The following UNC13C variants were observed in gnomAD, a reference collection of about 807,000 sequenced individuals.
The protein encoded by UNC13C is unc-13 homolog C.
In UNC13C, 174 loss-of-function variants were observed where a neutral mutation model predicts 245.4. That is an observed-to-expected ratio of 0.71 (90% CI 0.63 to 0.80). The LOEUF (loss-of-function observed/expected upper bound fraction) is 0.80, where lower values mean the gene tolerates loss of function less well. Ranked by LOEUF, UNC13C falls within the 30% of genes least tolerant of loss-of-function variation. The pLI, the probability that UNC13C is intolerant of heterozygous loss-of-function variation, is 0.00. For synonymous variants in UNC13C, 992 were observed against 895.1 expected (o/e 1.11, Z -1.93); for missense variants, 2,829 against 2,602.9 (o/e 1.09, Z -1.89).
chr15:54,373,059 T>A (rs957675774), intron 17 of UNC13C, among the ~76,000 whole-genome samples: 2 of 152,138 alleles, frequency 1.3e-5, no homozygotes, highest in Admixed American at 6.5e-5. Context: ...GGATAGGCTG[T>A]CAAAGGTGTC....
chr15:54,038,120 A>AT (rs1246982047), intron 2 of UNC13C, among the ~76,000 whole-genome samples: 18 of 45,194 alleles, frequency 4.0e-4, no homozygotes, highest in African/African-American at 1.9e-3. Flanking sequence ...ATATATATAT[A>AT]TATATTTTTT....
At chr15:54,375,645 C>G (rs1281828634) in intron 17 of UNC13C, among the ~76,000 whole-genome samples, 1 of 152,160 alleles carries the variant, frequency 6.6e-6, no homozygotes, top group Non-Finnish European at 1.5e-5. Flanking sequence ...GGGGCTTCAG[C>G]CTTTTCTGAG....
chr15:54,449,207 A>T (rs1245669414), intron 19 of UNC13C, among the ~76,000 whole-genome samples: 2 of 151,804 alleles, frequency 1.3e-5, no homozygotes, highest in African/African-American at 4.8e-5. Flanking sequence ...TGCCCTTAAA[A>T]TTTTTTCCTT....
At chr15:54,450,855 G>T (rs1891134178) in intron 19 of UNC13C, among the ~76,000 whole-genome samples, 1 of 152,128 alleles carries the variant, frequency 6.6e-6, no homozygotes, top group Non-Finnish European at 1.5e-5. Flanking sequence ...CCCATCTTCT[G>T]CATCGCTCAC....
rs564452731 is a variant in UNC13C at position 54,520,371 on chromosome 15, T to C, written c.5458-5178T>C. ...AAGAAGATAAATAAATTAAGAATAG[T>C]AATAAGTTGTGCTTTGATATGCTAC... is the stretch of plus-strand genomic sequence containing the variant. On this transcript the variant is annotated intron_variant, in intron 24 of 32. Transcript: ENST00000260323. 2.0e-5 allele frequency among the ~76,000 whole-genome samples: 3 copies of C among 152,212 alleles called. No homozygotes were observed. In the South Asian group the frequency reaches 6.2e-4, roughly 32 times the overall value.
At chr15:53,965,074 T>A in the UNC13C span, among the ~76,000 whole-genome samples, 1 of 152,222 alleles carries the variant, frequency 6.6e-6, no homozygotes, top group Non-Finnish European at 1.5e-5. Flanking sequence ...TTAGAAACAT[T>A]TGGTGCATTA....
intron 8 of UNC13C, among the ~76,000 whole-genome samples, chr15:54,251,053 C>G (rs913811437): frequency 2.0e-5 from 3 of 152,048 alleles, no homozygotes; most frequent in African/African-American, 7.2e-5. Flanking sequence ...CCACCGCGCC[C>G]GGCCCCTATC....
intron 30 of UNC13C, among the ~76,000 whole-genome samples, chr15:54,592,111 G>C (rs776521425): frequency 3.9e-5 from 6 of 152,130 alleles, no homozygotes; most frequent in Non-Finnish European, 8.8e-5. Flanking sequence ...GGTTTTGAAA[G>C]TTCCTTTTGG....
chr15:53,838,344 C>G, the UNC13C span, among the ~76,000 whole-genome samples: 1 of 151,982 alleles, frequency 6.6e-6, no homozygotes, highest in South Asian at 2.1e-4. Context: ...TTACTTGAAC[C>G]AGAACATTTG....
chr15:53,861,599 A>G, the UNC13C span, among the ~76,000 whole-genome samples: 71 of 152,190 alleles, frequency 4.7e-4, no homozygotes, highest in Non-Finnish European at 9.3e-4. Flanking sequence ...TGGGGCAACA[A>G]TTAAAGTATT....
chr15:54,361,732 T>C (rs1179495321), intron 17 of UNC13C, among the ~76,000 whole-genome samples: 1 of 152,216 alleles, frequency 6.6e-6, no homozygotes, highest in African/African-American at 2.4e-5. Flanking sequence ...GCACTGGAAC[T>C]AAACTGCTAC....
chr15:54,146,622 A>G (rs1201354284), intron 4 of UNC13C, among the ~76,000 whole-genome samples: 2 of 152,248 alleles, frequency 1.3e-5, no homozygotes, highest in African/African-American at 4.8e-5. Flanking sequence ...AAAAGGAGCA[A>G]GAGAAAGTAG....
chr15:54,170,487 C>T (rs1470831423), intron 4 of UNC13C, among the ~76,000 whole-genome samples: 1 of 152,228 alleles, frequency 6.6e-6, no homozygotes, highest in East Asian at 1.9e-4. Flanking sequence ...ACGTCATTAT[C>T]ATTACGTGTG....
At chr15:54,483,638 G>A (rs1893248994) in intron 19 of UNC13C, among the ~76,000 whole-genome samples, 1 of 152,130 alleles carries the variant, frequency 6.6e-6, no homozygotes, top group Admixed American at 6.5e-5. Flanking sequence ...TGGGATTACA[G>A]GTGCGTGCCA....
chr15:54,456,864 C>A, intron 19 of UNC13C, among the ~76,000 whole-genome samples: 1 of 151,920 alleles, frequency 6.6e-6, no homozygotes, highest in Non-Finnish European at 1.5e-5. Context: ...TTCGGATGCC[C>A]TTCATTACTT....
upstream of UNC13C, among the ~76,000 whole-genome samples, chr15:53,975,894 G>A (rs79089277): frequency 0.017 from 2,582 of 152,288 alleles, 40 homozygotes; most frequent in Non-Finnish European, 0.02. Context: ...TATGGATGGG[G>A]TGAGTGTATA....
intron 25 of UNC13C, among the ~76,000 whole-genome samples, chr15:54,526,683 G>A (rs919611559): frequency 1.4e-5 from 2 of 147,774 alleles, no homozygotes; most frequent in Non-Finnish European, 3.0e-5. Context: ...GGTGGAGCTT[G>A]CAGTGAGCCG....
chr15:54,417,313 T>C (rs2040543477), intron 19 of UNC13C, among the ~76,000 whole-genome samples: 1 of 152,170 alleles, frequency 6.6e-6, no homozygotes, highest in Admixed American at 6.5e-5. Flanking sequence ...TGTGACCGTC[T>C]TTTGCTGTGT....
Position 54,623,883 on chromosome 15 carries a change from C to G in UNC13C, c.6288C>G (p.Asp2096Glu). 6.2e-7 allele frequency: 1 copy of G among 1,613,104 alleles called. No individual in the cohort carries two copies. The highest frequency in any genetic ancestry group is 8.5e-7 in the Non-Finnish European group (1 of 1,179,476). Residue 2096 changes from aspartate to glutamate, a missense_variant, in exon 32 of 33, where the codon GAC becomes GAG. Physicochemically the swap from Asp to Glu is conservative, Grantham distance 45 (BLOSUM62 2). Transcript: ENST00000260323. The stretch of plus-strand genomic sequence containing the variant: ...GTATACTGGGACCCAACCTTGGAGA[C>G]AAGAAGAGAAAACAAGGCACAAAAA... ...EVCILGPNLGDKKRKQGTKTK... is the reference protein window; with the variant it reads ...EVCILGPNLGEKKRKQGTKTK...
Sources: gnomAD v4.1 joint callset for allele counts (sites outside exome capture counted in the v4.1 genomes callset) on GRCh38, gnomAD v4.1.1 for gene constraint, MANE v1.5 for transcripts, NCBI Gene and HGNC (gene_info 2026-07-23, HGNC 2026-07-21) for gene names.